Variants in TENM4 observed in about 807,000 individuals in gnomAD.
The protein encoded by TENM4 is teneurin-4.
A neutral mutation model predicts 243.3 loss-of-function variants in TENM4; 82 were observed. The ratio of observed to expected loss-of-function variants is 0.34; its 90% CI spans 0.28 to 0.40. The LOEUF is 0.40. Among genes scored for constraint, TENM4 ranks in the 10% least tolerant of loss-of-function variants. TENM4 has a pLI of 1.00. For missense variants in TENM4, 3,138 were observed against 3,673.3 expected, an observed-to-expected ratio of 0.85 and a Z score of 3.77; for synonymous variants, 1,412 against 1,456.3, an observed-to-expected ratio of 0.97 and a Z score of 0.69.
At chr11:79,205,203 A>G (rs1333927518) in intron 3 of TENM4, among the ~76,000 whole-genome samples, 2 of 152,208 alleles carry the variant, frequency 1.3e-5, no homozygotes, top group African/African-American at 4.8e-5. Context: ...TTTAAGAAAC[A>G]AGAGAGAGGT....
At chr11:78,763,804 C>G (rs2135974224) in intron 18 of TENM4, among the ~76,000 whole-genome samples, 1 of 152,360 alleles carries the variant, frequency 6.6e-6, no homozygotes, top group South Asian at 2.1e-4. Context: ...CTCAGGATTG[C>G]TGAAGGGCTC....
chr11:78,897,246 G>A (rs1350544361), intron 7 of TENM4, among the ~76,000 whole-genome samples: 1 of 152,166 alleles, frequency 6.6e-6, no homozygotes, highest in Non-Finnish European at 1.5e-5. Context: ...ACTCCACTGA[G>A]AGAGGACCCC....
intron 33 of TENM4, among the ~76,000 whole-genome samples, chr11:78,660,344 A>G (rs777677376): frequency 6.6e-6 from 1 of 152,144 alleles, no homozygotes; most frequent in Non-Finnish European, 1.5e-5. Flanking sequence ...TTTATTTAGC[A>G]AAAATGCTTC....
chr11:79,359,161 G>A (rs1050492851), intron 1 of TENM4, among the ~76,000 whole-genome samples: 1 of 152,136 alleles, frequency 6.6e-6, no homozygotes, highest in Non-Finnish European at 1.5e-5. Flanking sequence ...AGCTACTTGG[G>A]AGGCTGAGGC....
At chr11:79,414,837 G>T (rs904226679) in intron 1 of TENM4, among the ~76,000 whole-genome samples, 1 of 152,192 alleles carries the variant, frequency 6.6e-6, no homozygotes, top group Admixed American at 6.5e-5. Context: ...CCTTGGCCGG[G>T]TGCCTCCTGA....
At position 79,325,706 on chromosome 11, in the gene TENM4, C is replaced by T. The variant is rs17138088; in HGVS notation, c.-320-28163G>A. Among the ~76,000 whole-genome samples, 505 of 152,312 alleles carry T rather than the reference C, an allele frequency of 3.3e-3. 5 individuals carry two copies. The highest frequency in any genetic ancestry group is 0.011 in the African/African-American group (461 of 41,572). ...CCCAGTACCCAGTACTCTACCCAGG[C>T]GCTCAGTGAACAGAGGTTATTGTGA... On this transcript the variant is annotated intron_variant, in intron 1 of 33. Transcript: ENST00000278550.
chr11:78,923,464 G>GCC (rs1856490300), intron 6 of TENM4, among the ~76,000 whole-genome samples: 1 of 152,218 alleles, frequency 6.6e-6, no homozygotes, highest in South Asian at 2.1e-4. Context: ...ATGAGCAGGT[G>GCC]ACCCAGTTCA....
intron 2 of TENM4, among the ~76,000 whole-genome samples, chr11:79,294,988 C>T (rs1331962584): frequency 6.6e-6 from 1 of 152,192 alleles, no homozygotes; most frequent in Non-Finnish European, 1.5e-5. Context: ...CCTCTGCACA[C>T]TCATCCCTGT....
rs371533403 is a variant in TENM4 at position 79,371,438 on chromosome 11, C to A, written c.-321+69071G>T. ...TGACATGTAGAAAAAAAAATCACCT[C>A]TACCAGTTTGGGATATGGGCCAAGA... On this transcript the variant is annotated intron_variant, in intron 1 of 33. Transcript: ENST00000278550. Among the ~76,000 whole-genome samples the A allele has an allele frequency of 5.3e-5, 8 of 152,298 alleles. No homozygotes were observed. The East Asian group carries it at 9.7e-4, about 18-fold the overall frequency.
At chr11:79,104,327 TA>T (rs1861308768) in intron 4 of TENM4, among the ~76,000 whole-genome samples, 1 of 152,242 alleles carries the variant, frequency 6.6e-6, no homozygotes, top group Admixed American at 6.5e-5. Context: ...AAGAAAATAA[TA>T]AGGACTCCCT....
intron 6 of TENM4, among the ~76,000 whole-genome samples, chr11:79,060,401 T>C (rs1332781555): frequency 2.0e-5 from 3 of 152,258 alleles, no homozygotes; most frequent in African/African-American, 7.2e-5. Flanking sequence ...AAAGTTATTA[T>C]TGATGGCAGC....
chr11:79,427,743 T>A, intron 1 of TENM4, among the ~76,000 whole-genome samples: 1 of 152,190 alleles, frequency 6.6e-6, no homozygotes. Context: ...TTATAAAATT[T>A]TCAAAGTAAT....
intron 1 of TENM4, among the ~76,000 whole-genome samples, chr11:79,409,151 G>GT (rs927647283): frequency 8.7e-5 from 13 of 148,630 alleles, no homozygotes; most frequent in African/African-American, 3.2e-4. Context: ...AGAGTTAGTG[G>GT]TTTTAGAATA....
At chr11:78,941,916 T>G (rs950558523) in intron 6 of TENM4, among the ~76,000 whole-genome samples, 1 of 151,976 alleles carries the variant, frequency 6.6e-6, no homozygotes, top group African/African-American at 2.4e-5. Context: ...TTGGCTCCCA[T>G]GACAGTCCTG....
intron 6 of TENM4, among the ~76,000 whole-genome samples, chr11:78,995,800 G>A (rs1230467099): frequency 2.0e-5 from 3 of 152,006 alleles, no homozygotes; most frequent in Admixed American, 6.6e-5. Context: ...GCTGACCTGA[G>A]TTTGAATCCT....
intron 4 of TENM4, among the ~76,000 whole-genome samples, chr11:79,102,975 G>A (rs1268196825): frequency 6.6e-6 from 1 of 152,158 alleles, no homozygotes; most frequent in Non-Finnish European, 1.5e-5. Context: ...ACTTCTTGGT[G>A]TCGAGTCTTT....
At chr11:78,894,095 G>A (rs952875236) in intron 7 of TENM4, among the ~76,000 whole-genome samples, 77 of 152,244 alleles carry the variant, frequency 5.1e-4, no homozygotes, top group African/African-American at 1.8e-3. Flanking sequence ...AAGCATGCCC[G>A]GCATACAGCA....
intron 1 of TENM4, among the ~76,000 whole-genome samples, chr11:79,351,295 C>A (rs1338299030): frequency 6.6e-6 from 1 of 152,180 alleles, no homozygotes; most frequent in Non-Finnish European, 1.5e-5. Context: ...GATTGTGTTG[C>A]TGTCTGCCTT....
At chr11:79,123,521 C>T (rs1165439228) in intron 4 of TENM4, among the ~76,000 whole-genome samples, 2 of 151,864 alleles carry the variant, frequency 1.3e-5, no homozygotes, top group East Asian at 1.9e-4. Flanking sequence ...TGGACGACAC[C>T]CTGCTATATG....
Sources: gnomAD v4.1 joint callset for allele counts (sites outside exome capture counted in the v4.1 genomes callset) on GRCh38, gnomAD v4.1.1 for gene constraint, MANE v1.5 for transcripts, NCBI Gene and HGNC (gene_info 2026-07-23, HGNC 2026-07-21) for gene names.